Variants in EEF2K observed in about 807,000 individuals in gnomAD.
The protein encoded by EEF2K is eukaryotic elongation factor 2 kinase.
In EEF2K, 70 loss-of-function variants were observed where a neutral mutation model predicts 93.8. The ratio of observed to expected loss-of-function variants is 0.75; its 90% CI spans 0.62 to 0.91. The LOEUF is 0.91. Among genes scored for constraint, EEF2K ranks in the 40% least tolerant of loss-of-function variants. EEF2K has a pLI of 0.00. For synonymous variants in EEF2K, 376 were observed against 380.8 expected (o/e 0.99, Z 0.15); for missense variants, 935 against 972.9 (o/e 0.96, Z 0.52).
At chr16:22,265,829 T>A (rs1366550985) in intron 13 of EEF2K, among the ~76,000 whole-genome samples, 4 of 152,162 alleles carry the variant, frequency 2.6e-5, no homozygotes, top group Admixed American at 1.3e-4. Flanking sequence ...CTGATGTTGC[T>A]CATGTCGTTG....
In EEF2K at chr16:22,225,689, T is replaced by C; in HGVS notation, c.-41T>C. On this transcript the variant is annotated 5_prime_UTR_variant, in exon 2 of 18. Coordinates refer to ENST00000263026, the MANE Select transcript of EEF2K (RefSeq NM_013302.5). ...TCTGCATTTGTCCAGTAACTCTGGC[T>C]GTGCCGGATACTGCTTGGGTAAAAC... 1.2e-6 allele frequency: 2 copies of C among 1,602,916 alleles called. No homozygotes were observed. The highest frequency in any genetic ancestry group is 8.5e-7 in the Non-Finnish European group (1 of 1,173,648).
intron 1 of EEF2K, among the ~76,000 whole-genome samples, chr16:22,217,642 G>A (rs201547572): frequency 5.9e-5 from 9 of 152,066 alleles, no homozygotes; most frequent in Non-Finnish European, 8.8e-5. Flanking sequence ...TAGTAGAGAC[G>A]GGGTTTCACC....
chr16:22,246,105 C>T (rs545078678), intron 3 of EEF2K, among the ~76,000 whole-genome samples: 2 of 152,258 alleles, frequency 1.3e-5, no homozygotes, highest in Non-Finnish European at 2.9e-5. Context: ...TGCTTCTGAC[C>T]AGCTATAAAT....
At chr16:22,214,441 C>CA (rs536939890) in intron 1 of EEF2K, among the ~76,000 whole-genome samples, 207 of 139,510 alleles carry the variant, frequency 1.5e-3, no homozygotes, top group Middle Eastern at 3.9e-3. Flanking sequence ...GACCCTGTCT[C>CA]AAAAAAAAAA....
chr16:22,264,887 C>A lies in EEF2K; in HGVS notation c.1440+7C>A. 1 of 1,613,846 alleles carries A rather than the reference C, an allele frequency of 6.2e-7. No homozygotes were observed. The highest frequency in any genetic ancestry group is 8.5e-7 in the Non-Finnish European group (1 of 1,179,850). ...CCTGGGCAGCTCTGGACGGGTAATG[C>A]GCCCTGAGGCACCCTTGTCTCTGCC... On this transcript the variant is annotated splice_region_variant and intron_variant, in intron 13 of 17. Coordinates refer to ENST00000263026, the MANE Select transcript of EEF2K (RefSeq NM_013302.5).
intron 15 of EEF2K, among the ~76,000 whole-genome samples, chr16:22,269,229 G>C (rs2047553456): frequency 6.6e-6 from 1 of 151,950 alleles, no homozygotes; most frequent in Non-Finnish European, 1.5e-5. Context: ...ATCCTTCCTT[G>C]TTTCTTCGGG....
chr16:22,256,865 G>T lies in EEF2K; in HGVS notation c.736G>T (p.Val246Phe), dbSNP rs753498597. 21 of 1,614,170 alleles carry T rather than the reference G, an allele frequency of 1.3e-5. No homozygotes were observed. The highest frequency in any genetic ancestry group is 1.8e-5 in the Non-Finnish European group (21 of 1,180,048). ...CAAGTACAACTCCAACTCTGGCTTTGTCCGCGATGACAACATCCGCCTGAC... is the reference window on the plus strand; with the variant it reads ...CAAGTACAACTCCAACTCTGGCTTTTTCCGCGATGACAACATCCGCCTGAC... ...YIKYNSNSGF[V>F]RDDNIRLTPQ... Residue 246 changes from valine (V) to phenylalanine (F), a missense_variant, in exon 7 of 18, where the codon GTC (valine) becomes TTC (phenylalanine). Val to Phe is a conservative substitution (Grantham distance 50). Transcript: ENST00000263026.
intron 16 of EEF2K, among the ~76,000 whole-genome samples, chr16:22,278,558 A>AC (rs1388057602): frequency 6.6e-6 from 1 of 151,956 alleles, no homozygotes; most frequent in Non-Finnish European, 1.5e-5. Flanking sequence ...CAAACAGGAG[A>AC]CCGTCCTGGA....
chr16:22,225,661 G>T lies in EEF2K; in HGVS notation c.-69G>T. On this transcript the variant is annotated 5_prime_UTR_variant, in exon 2 of 18. Coordinates refer to ENST00000263026, the MANE Select transcript of EEF2K (RefSeq NM_013302.5). The stretch of plus-strand genomic sequence containing the variant: ...CCCTTGCTTTCCTTGTAGGACCTTC[G>T]CCTCTGCATTTGTCCAGTAACTCTG... 1 of 1,574,356 alleles carries T rather than the reference G, an allele frequency of 6.4e-7. No homozygotes were observed. Among genetic ancestry groups the T allele is most frequent in the Non-Finnish European group, 8.6e-7 (1 of 1,160,066 alleles).
At chr16:22,241,796 G>T (rs979911311) in intron 2 of EEF2K, among the ~76,000 whole-genome samples, 1 of 151,924 alleles carries the variant, frequency 6.6e-6, no homozygotes, top group Non-Finnish European at 1.5e-5. Context: ...TAGAAGAAAA[G>T]AATTACAGGC....
chr16:22,222,071 AAAAAAATT>A (rs1217156990), intron 1 of EEF2K, among the ~76,000 whole-genome samples: 1 of 152,154 alleles, frequency 6.6e-6, no homozygotes, highest in Non-Finnish European at 1.5e-5. Context: ...CTCTATCTCA[AAAAAAATT>A]AAAAAATTAA....
rs768870202 is a variant in EEF2K, at chr16:22,283,954, C to G, written c.2136C>G (p.Tyr712Ter). 1 of 1,594,688 alleles carries G rather than the reference C, an allele frequency of 6.3e-7. No homozygotes were observed. The highest frequency in any genetic ancestry group is 2.3e-5 in the East Asian group (1 of 44,204). The change falls in exon 18 of 18, where the codon TAC becomes TAG. Residue 712 changes from tyrosine to a stop codon, truncating the protein, a stop_gained. Coordinates refer to ENST00000263026, the MANE Select transcript of EEF2K (RefSeq NM_013302.5). LOFTEE classifies it high-confidence loss of function. The part of the protein sequence containing the change: ...EAMKGRLANQ[Y>*]YQKAEEAWAQ... The stretch of plus-strand genomic sequence containing the variant: ...TGAAGGGCCGACTGGCCAACCAGTA[C>G]TACCAAAAGGCTGAAGAGGCCTGGG...
At chr16:22,236,353 T>C (rs900324668) in intron 2 of EEF2K, among the ~76,000 whole-genome samples, 1 of 151,548 alleles carries the variant, frequency 6.6e-6, no homozygotes, top group African/African-American at 2.4e-5. Context: ...TTTTTTTTTT[T>C]TGCCTCGACT....
chr16:22,261,758 A>G (rs961398686), intron 11 of EEF2K, among the ~76,000 whole-genome samples: 4 of 151,938 alleles, frequency 2.6e-5, no homozygotes, highest in Non-Finnish European at 4.4e-5. Context: ...TAATCCCAGC[A>G]CTATGGGAGG....
intron 11 of EEF2K, 95 bp downstream of exon 11, chr16:22,260,624 C>T: frequency 6.7e-7 from 1 of 1,485,936 alleles, no homozygotes; most frequent in Non-Finnish European, 9.3e-7. Context: ...CGGAGGTGGG[C>T]AGCCTAGCCC....
chr16:22,256,663 G>A (rs1598191556), intron 6 of EEF2K, 85 bp from the exon 7 acceptor site: 2 of 1,491,394 alleles, frequency 1.3e-6, no homozygotes, highest in Non-Finnish European at 1.8e-6. Context: ...CCAGGCAGGC[G>A]AGTTCCTCTG....
intron 1 of EEF2K, among the ~76,000 whole-genome samples, chr16:22,220,448 T>TTG (rs1206756082): frequency 1.3e-5 from 2 of 151,804 alleles, no homozygotes; most frequent in Non-Finnish European, 2.9e-5. Flanking sequence ...GCGTGCTTTT[T>TTG]TTTTTGTTTT....
At chr16:22,280,516 G>A in intron 17 of EEF2K, 140 bp downstream of exon 17, 1 of 1,021,506 alleles carries the variant, frequency 9.8e-7, no homozygotes, top group Middle Eastern at 3.5e-4. Flanking sequence ...GAGCTAGTAT[G>A]AAGATGAACA....
chr16:22,271,739 A>T (rs564264007), intron 15 of EEF2K, among the ~76,000 whole-genome samples: 1 of 152,270 alleles, frequency 6.6e-6, no homozygotes, highest in Non-Finnish European at 1.5e-5. Context: ...TATGTGGTAT[A>T]TGGTTTACAA....
Sources: allele counts gnomAD v4.1 joint callset (sites outside exome capture counted in the v4.1 genomes callset), GRCh38; gene constraint gnomAD v4.1.1; transcripts MANE v1.5; gene names NCBI Gene and HGNC (gene_info 2026-07-23, HGNC 2026-07-21).